Variants in CD99L2 observed in about 807,000 individuals in gnomAD.
CD99L2 encodes the protein CD99 molecule like 2.
CD99L2 carries 24 observed loss-of-function variants against 27.3 expected under a neutral mutation model. That is an observed-to-expected ratio of 0.88 (90% CI 0.64 to 1.24). CD99L2 has a LOEUF of 1.24. Among genes scored for constraint, CD99L2 ranks in the 50% most tolerant of loss-of-function variants. The pLI, the probability that CD99L2 is intolerant of heterozygous loss-of-function variation, is 0.00. For synonymous variants in CD99L2, 97 were observed against 87.9 expected (o/e 1.10, Z -0.58); for missense variants, 255 against 221.6 (o/e 1.15, Z -0.96).
intron 1 of CD99L2, among the ~76,000 whole-genome samples, chrX:150,891,376 A>G (rs72612729): frequency 0.23 from 25,385 of 110,966 alleles, 2,128 homozygotes; most frequent in Middle Eastern, 0.37. Context: ...CAGCTTCTAG[A>G]GGCTGTGTGG....
At chrX:150,793,281 C>G (rs782068881) in intron 7 of CD99L2, among the ~76,000 whole-genome samples, 14 of 112,422 alleles carry the variant, frequency 1.2e-4, no homozygotes, top group South Asian at 3.7e-4. Context: ...AGATATCTGA[C>G]TTGCTATGGG....
chrX:150,777,312 G>T, intron 8 of CD99L2, 132 bp downstream of exon 8: 3 of 744,156 alleles, frequency 4.0e-6, no homozygotes, highest in East Asian at 3.4e-5. Flanking sequence ...TCTTATTTAG[G>T]AGTAGAATGG....
chrX:150,870,173 C>T (rs1215851241), intron 1 of CD99L2, among the ~76,000 whole-genome samples: 1 of 109,226 alleles, frequency 9.2e-6, no homozygotes, highest in Non-Finnish European at 1.9e-5. Flanking sequence ...CAACCCCACC[C>T]TCTCTGGCTA....
chrX:150,792,560 G>A (rs782408233), intron 7 of CD99L2, among the ~76,000 whole-genome samples: 11 of 111,900 alleles, frequency 9.8e-5, no homozygotes, highest in East Asian at 2.8e-4. Flanking sequence ...ATTCCCATAC[G>A]AAAGGCACAC....
chrX:150,823,426 C>A, intron 2 of CD99L2, among the ~76,000 whole-genome samples: 1 of 110,865 alleles, frequency 9.0e-6, no homozygotes, highest in Non-Finnish European at 1.9e-5. Flanking sequence ...GCTGGGATTA[C>A]AGACATGTGC....
intron 1 of CD99L2, among the ~76,000 whole-genome samples, chrX:150,850,260 A>C (rs2046768925): frequency 8.9e-6 from 1 of 112,067 alleles, no homozygotes; most frequent in South Asian, 3.7e-4. Flanking sequence ...CCTACTTTCT[A>C]AGCCACATTC....
At chrX:150,781,442 C>T (rs1414293668) in intron 7 of CD99L2, among the ~76,000 whole-genome samples, 2 of 111,708 alleles carry the variant, frequency 1.8e-5, no homozygotes, top group East Asian at 2.8e-4. Flanking sequence ...AATCTATCCA[C>T]CCCTCTTTCC....
intron 2 of CD99L2, chrX:150,816,371 G>C (rs1420183099): frequency 6.2e-6 from 2 of 323,241 alleles, no homozygotes; most frequent in East Asian, 1.2e-4. Flanking sequence ...ATCTGCTGGA[G>C]ATGGCACGTG....
At position 150,793,723 on chromosome X, in the gene CD99L2, C is replaced by A; in HGVS notation, c.464G>T (p.Gly155Val). The A allele has an allele frequency of 8.3e-7, 1 of 1,199,591 alleles. No homozygotes were observed. Among genetic ancestry groups the A allele is most frequent in the Non-Finnish European group, 1.1e-6 (1 of 890,027 alleles). Reference sequence around the variant, plus strand: ...CTTGTCAGGTTTGTATTCTCCACCCCCTACTATGTCTTCAAGATCCTTGTC... The same window carrying A: ...CTTGTCAGGTTTGTATTCTCCACCCACTACTATGTCTTCAAGATCCTTGTC... ...FSDKDLEDIV[G>V]GGEYKPDKGK... Residue 155 changes from glycine (G) to valine (V), a missense_variant, in exon 7 of 11, where the codon GGG (glycine) becomes GTG (valine). Transcript: ENST00000370377.
At chrX:150,770,076 G>A (rs1230532081) in intron 10 of CD99L2, among the ~76,000 whole-genome samples, 12 of 113,056 alleles carry the variant, frequency 1.1e-4, no homozygotes, top group Admixed American at 2.8e-4. Flanking sequence ...CCGAGCAGCC[G>A]CAATGCCCAG....
chrX:150,861,141 CAA>C (rs782255590), intron 1 of CD99L2, among the ~76,000 whole-genome samples: 12 of 40,906 alleles, frequency 2.9e-4, no homozygotes, highest in Non-Finnish European at 3.3e-4. Flanking sequence ...GACTCTGTCT[CAA>C]AAAAAAAAAA....
chrX:150,857,331 G>T (rs2046907483), intron 1 of CD99L2, among the ~76,000 whole-genome samples: 1 of 110,876 alleles, frequency 9.0e-6, no homozygotes, highest in Non-Finnish European at 1.9e-5. Flanking sequence ...AATGTCTGAG[G>T]TCAAATTTAA....
At chrX:150,879,796 A>C (rs1216831861) in intron 1 of CD99L2, among the ~76,000 whole-genome samples, 4 of 98,791 alleles carry the variant, frequency 4.0e-5, no homozygotes, top group Non-Finnish European at 8.1e-5. Flanking sequence ...ATGGTGGTAC[A>C]CACCTGTAGC....
intron 1 of CD99L2, among the ~76,000 whole-genome samples, chrX:150,862,418 G>A (rs782354529): frequency 1.8e-5 from 2 of 111,641 alleles, no homozygotes; most frequent in African/African-American, 6.5e-5. Context: ...TCAGAGTAAT[G>A]TGGGTCCAAG....
intron 1 of CD99L2, among the ~76,000 whole-genome samples, chrX:150,877,356 A>C (rs973348027): frequency 4.5e-5 from 5 of 111,545 alleles, no homozygotes; most frequent in African/African-American, 1.6e-4. Context: ...TCACAAACTA[A>C]AGTCAAGAAC....
chrX:150,825,549 G>C (rs60846428), intron 2 of CD99L2, among the ~76,000 whole-genome samples: 21,370 of 111,639 alleles, frequency 0.19, 1,532 homozygotes, highest in African/African-American at 0.25. Context: ...ATCAGTTGTT[G>C]TGTCAGAGCC....
Position 150,898,545 on chromosome X carries a change from G to T in CD99L2, c.44C>A (p.Ser15Tyr). Reference protein sequence around the residue: ...RSAFLVCLAFSLATLVQRGSG... With the variant: ...RSAFLVCLAFYLATLVQRGSG... ...ACCTCGCTGGACCAGGGTGGCCAAG[G>T]AGAAAGCGAGGCAGACAAGGAACGC... The change falls in exon 1 of 11, where the codon TCC becomes TAC. Residue 15 changes from serine (S) to tyrosine (Y), a missense_variant. By Grantham distance (144) the Ser-to-Tyr change is moderately radical. Coordinates refer to ENST00000370377, the MANE Select transcript of CD99L2 (RefSeq NM_031462.4). The T allele has an allele frequency of 9.0e-7, 1 of 1,116,570 alleles. No homozygotes were observed. Among genetic ancestry groups the T allele is most frequent in the South Asian group, 2.1e-5 (1 of 48,481 alleles). The allele number at this position is 1,116,570 out of a possible 1,213,427, so 92.0% of individuals were successfully genotyped here. A position where few individuals can be genotyped will look rare whatever the true frequency, so the allele number is the denominator to read the frequency against.
rs782513197 is a variant in CD99L2, at chrX:150,876,059, T to C, written c.67+22463A>G. On this transcript the variant is annotated intron_variant, in intron 1 of 10. Transcript: ENST00000370377. The stretch of plus-strand genomic sequence containing the variant: ...CCAGGTTGTTGTGGTGTCAATAGTT[T>C]GTTCTTTTTTATTACTGAGTTGTAT... Among the ~76,000 whole-genome samples, 10 of 112,562 alleles carry C rather than the reference T, an allele frequency of 8.9e-5. No homozygotes were observed. In the East Asian group the frequency reaches 2.8e-3, roughly 31 times the overall value.
intron 6 of CD99L2, 150 bp from the exon 7 acceptor site, chrX:150,793,906 C>T (rs1280464575): frequency 3.2e-5 from 13 of 409,721 alleles, no homozygotes; most frequent in Non-Finnish European, 5.3e-5. Flanking sequence ...CCCAGACCCC[C>T]TCCCACTGGT....
Sources: gnomAD v4.1 joint callset for allele counts (sites outside exome capture counted in the v4.1 genomes callset) on GRCh38, gnomAD v4.1.1 for gene constraint, MANE v1.5 for transcripts, NCBI Gene and HGNC (gene_info 2026-07-23, HGNC 2026-07-21) for gene names.